Variants in FURIN observed in about 807,000 individuals in gnomAD.
FURIN encodes the protein furin, paired basic amino acid cleaving enzyme.
FURIN carries 18 observed loss-of-function variants against 89.2 expected under a neutral mutation model. That is an observed-to-expected ratio of 0.20 (90% confidence interval 0.14 to 0.30). The LOEUF is 0.30. FURIN is among the 10% of genes least tolerant of loss of function. The pLI is 1.00. For synonymous variants in FURIN, 508 were observed against 466.4 expected (o/e 1.09, Z -1.15); for missense variants, 879 against 1,100.5 (o/e 0.80, Z 2.85).
At chr15:90,873,360 T>G (rs754035474) in intron 1 of FURIN, among the ~76,000 whole-genome samples, 10 of 152,106 alleles carry the variant, frequency 6.6e-5, no homozygotes, top group Non-Finnish European at 1.5e-4. Flanking sequence ...AATTAAATAG[T>G]TGGTTAATCA....
intron 1 of FURIN, among the ~76,000 whole-genome samples, chr15:90,871,082 C>A (rs899927388): frequency 3.3e-5 from 5 of 152,208 alleles, no homozygotes; most frequent in African/African-American, 9.7e-5. Context: ...CTGGTCCTGC[C>A]GCCGTGCAGT....
chr15:90,881,732 G>C lies in FURIN; in HGVS notation c.2239G>C (p.Val747Leu). Residue 747 changes from valine to leucine, a missense_variant, in exon 16 of 16, where the codon GTG becomes CTG. Around this residue, in one of 5 missense-constraint regions of FURIN, gnomAD observed 457 missense variants for 490.7 expected, o/e 0.93. Coordinates refer to ENST00000268171, the MANE Select transcript of FURIN (RefSeq NM_002569.4). The surrounding 1 kb of genome is among the most constrained non-coding windows in gnomAD (Gnocchi z 4.3). ...GCGCTCTGGCTTTAGTTTTCGGGGG[G>C]TGAAGGTGTACACCATGGACCGTGG... ...QLRSGFSFRG[V>L]KVYTMDRGLI... 3.7e-6 allele frequency: 6 copies of C among 1,602,506 alleles called. No homozygotes were observed. Among genetic ancestry groups the C allele is most frequent in the Non-Finnish European group, 5.1e-6 (6 of 1,173,540 alleles).
rs370004508 is a variant in FURIN at position 90,876,982 on chromosome 15, C to T, written c.459C>T (p.Asp153=). The T allele has an allele frequency of 3.3e-5, 53 of 1,613,990 alleles. No individual in the cohort carries two copies. Among genetic ancestry groups the T allele is most frequent in the Non-Finnish European group, 4.2e-5 (49 of 1,180,014 alleles). Residue 153 remains aspartate, a synonymous_variant, in exon 5 of 16, where the codon GAC becomes GAT. Transcript: ENST00000268171. The surrounding 1 kb of genome is among the most constrained non-coding windows in gnomAD (Gnocchi z 5.0). ...ACGGCATTGTGGTCTCCATTCTGGA[C>T]GATGGCATCGAGAAGAACCACCCGG... ...TGHGIVVSIL[D]DGIEKNHPDL...
rs1371642593 is a variant in FURIN, at chr15:90,878,274, C to T, written c.810C>T (p.Ala270=). 10 of 1,605,590 alleles carry T rather than the reference C, an allele frequency of 6.2e-6. No individual in the cohort carries two copies. The highest frequency in any genetic ancestry group is 1.7e-5 in the Admixed American group (1 of 59,638). The part of the protein sequence containing the change: ...GKTVDGPARL[A]EEAFFRGVSQ... ...CAGTGGATGGGCCAGCCCGCCTCGCCGAGGAGGCCTTCTTCCGTGGGGTTA... is the reference window on the plus strand; with the variant it reads ...CAGTGGATGGGCCAGCCCGCCTCGCTGAGGAGGCCTTCTTCCGTGGGGTTA... Residue 270 remains alanine, a synonymous_variant, in exon 8 of 16, where the codon GCC becomes GCT. Coordinates refer to ENST00000268171, the MANE Select transcript of FURIN (RefSeq NM_002569.4).
At chr15:90,872,702 T>A (rs1291002890) in intron 1 of FURIN, among the ~76,000 whole-genome samples, 2 of 152,202 alleles carry the variant, frequency 1.3e-5, no homozygotes, top group Non-Finnish European at 2.9e-5. Flanking sequence ...CTTGTTAAGA[T>A]CATCCAGCAA....
At chr15:90,879,570 C>T (rs1201723835) in intron 10 of FURIN, 26 bp downstream of exon 10, 1 of 1,576,070 alleles carries the variant, frequency 6.3e-7, no homozygotes, top group South Asian at 1.1e-5. Flanking sequence ...CCAGCGGCAA[C>T]CCTGTCCCTA....
Position 90,876,205 on chromosome 15 carries a change from C to CT in FURIN, c.178-50_178-49insT, listed in dbSNP as rs756685308. The CT allele has an allele frequency of 1.8e-5, 24 of 1,304,936 alleles. 1 individual carries two copies. The highest frequency in any genetic ancestry group is 1.5e-4 in the South Asian group (13 of 84,860). The allele number at this position is 1,304,936 out of a possible 1,614,324, so 80.8% of individuals were successfully genotyped here. On this transcript the variant is annotated intron_variant, in intron 2 of 15. Transcript: ENST00000268171. This position sits in a 1 kb window ranked among gnomAD's most constrained non-coding sequence, Gnocchi z 5.0. ...TTGTCCACCCCCGTCCCCCGCCTCC[C>CT]GGGGACTGACAGATGGAAAGCCCAG...
At position 90,876,535 on chromosome 15, in the gene FURIN, A is replaced by G. The variant is rs200288780; in HGVS notation, c.350A>G (p.Lys117Arg). ...GTGTACCAGGAGCCCACAGACCCCA[A>G]GTTTCCTCAGCAGTGGTACCTGGTA... ...RDVYQEPTDP[K>R]FPQQWYLSGV... The change falls in exon 4 of 16, where the codon AAG (lysine) becomes AGG (arginine). Residue 117 changes from lysine (K) to arginine (R), a missense_variant. Around this residue, in one of 5 missense-constraint regions of FURIN, gnomAD observed 139 missense variants for 215.0 expected, o/e 0.65. Coordinates refer to ENST00000268171, the MANE Select transcript of FURIN (RefSeq NM_002569.4). This position sits in a 1 kb window ranked among gnomAD's most constrained non-coding sequence, Gnocchi z 5.0. 43 of 1,613,216 alleles carry G rather than the reference A, an allele frequency of 2.7e-5. No homozygotes were observed. The highest frequency in any genetic ancestry group is 2.7e-5 in the African/African-American group (2 of 75,010).
At chr15:90,871,127 C>T (rs941776235) in intron 1 of FURIN, among the ~76,000 whole-genome samples, 1 of 152,174 alleles carries the variant, frequency 6.6e-6, no homozygotes, top group African/African-American at 2.4e-5. Flanking sequence ...ACCCCAGGTC[C>T]GCCGTCCCTG....
chr15:90,872,851 G>C (rs1006799387), intron 1 of FURIN: 7 of 152,308 alleles, frequency 4.6e-5, no homozygotes, highest in Non-Finnish European at 8.8e-5. Context: ...CTGTGGCTGT[G>C]TCAGAGCCAG....
At position 90,875,684 on chromosome 15, in the gene FURIN, C is replaced by T. The variant is rs868486489; in HGVS notation, c.-57C>T. 1 of 1,425,028 alleles carries T rather than the reference C, an allele frequency of 7.0e-7. No individual in the cohort carries two copies. The highest frequency in any genetic ancestry group is 2.5e-5 in the East Asian group (1 of 39,412). 88.3% of individuals were successfully genotyped at this position (1,425,028 alleles called of 1,614,324 possible). ...GTGAGCAGGCACCTGGGAGCCGAGG[C>T]CCTGTGACCAGGCCAAGGAGACGGG... On this transcript the variant is annotated 5_prime_UTR_variant, in exon 2 of 16. Transcript: ENST00000268171.
At position 90,881,693 on chromosome 15, in the gene FURIN, C is replaced by A; in HGVS notation, c.2200C>A (p.Leu734Met). 6.3e-7 allele frequency: 1 copy of A among 1,590,198 alleles called. No homozygotes were observed. The highest frequency in any genetic ancestry group is 8.6e-7 in the Non-Finnish European group (1 of 1,166,552). Residue 734 changes from leucine to methionine, a missense_variant, in exon 16 of 16, where the codon CTG (leucine) becomes ATG (methionine). Physicochemically the swap from Leu to Met is conservative, Grantham distance 15. Transcript: ENST00000268171. This position sits in a 1 kb window ranked among gnomAD's most constrained non-coding sequence, Gnocchi z 4.3. ...CGTGCTGGTCTTCGTCACTGTCTTC[C>A]TGGTCCTGCAGCTGCGCTCTGGCTT... ...FIVLVFVTVF[L>M]VLQLRSGFSF...
chr15:90,880,511 C>T (rs1032308920), intron 13 of FURIN, among the ~76,000 whole-genome samples, 180 bp from the exon 14 acceptor site: 1 of 152,210 alleles, frequency 6.6e-6, no homozygotes, highest in African/African-American at 2.4e-5. Flanking sequence ...GTGTACCTTT[C>T]TAGAATCCCC....
chr15:90,880,176 G>T lies in FURIN; in HGVS notation c.1459G>T (p.Ala487Ser). Residue 487 changes from alanine to serine, a missense_variant, in exon 13 of 16, where the codon GCT (alanine) becomes TCT (serine). Ala to Ser is a moderately conservative substitution (Grantham distance 99). Around this residue, in one of 5 missense-constraint regions of FURIN, gnomAD observed 457 missense variants for 490.7 expected, o/e 0.93. Transcript: ENST00000268171. ...CAACCACATCACTCGGCTGGAGCAC[G>T]CTCAGGCGCGGCTCACCCTGTCCTA... ...EPNHITRLEH[A>S]QARLTLSYNR... 1 of 1,612,438 alleles carries T rather than the reference G, an allele frequency of 6.2e-7. No individual in the cohort carries two copies. The highest frequency in any genetic ancestry group is 8.5e-7 in the Non-Finnish European group (1 of 1,179,518).
In FURIN at chr15:90,881,367, C is replaced by G. The variant is rs780669007; in HGVS notation, c.1874C>G (p.Thr625Arg). 6.2e-7 allele frequency: 1 copy of G among 1,612,920 alleles called. No individual in the cohort carries two copies. Among genetic ancestry groups the G allele is most frequent in the East Asian group, 2.2e-5 (1 of 44,884 alleles). ...PPGFAPQVLD[T>R]HYSTENDVET... Reference sequence around the variant, plus strand: ...GGGTTCGCCCCCCAAGTCCTCGATACGCACTATAGCACCGAGAATGACGTG... The same window carrying G: ...GGGTTCGCCCCCCAAGTCCTCGATAGGCACTATAGCACCGAGAATGACGTG... The change falls in exon 16 of 16, where the codon ACG becomes AGG. Residue 625 changes from threonine (T) to arginine (R), a missense_variant. Thr to Arg is a moderately conservative substitution (Grantham distance 71). Transcript: ENST00000268171. The surrounding 1 kb of genome is among the most constrained non-coding windows in gnomAD (Gnocchi z 4.3).
chr15:90,875,353 A>G (rs1319635781), intron 1 of FURIN, among the ~76,000 whole-genome samples: 1 of 151,994 alleles, frequency 6.6e-6, no homozygotes, highest in Non-Finnish European at 1.5e-5. Flanking sequence ...CATTTCTTAT[A>G]TTCTTGCATG....
intron 11 of FURIN, 42 bp from the exon 12 acceptor site, chr15:90,879,825 C>G: frequency 6.2e-7 from 1 of 1,607,564 alleles, no homozygotes; most frequent in Non-Finnish European, 8.5e-7. Flanking sequence ...GTAGAAGGCA[C>G]TCTGTGCCTG....
rs774954298 is a variant in FURIN, at chr15:90,878,910, C to T, written c.987C>T (p.Tyr329=). 1.9e-6 allele frequency: 3 copies of T among 1,612,580 alleles called. No individual in the cohort carries two copies. In the Admixed American group the frequency reaches 5.0e-5, roughly 27 times the overall value. The change falls in exon 9 of 16, where the codon TAC becomes TAT. Residue 329 remains tyrosine (Y), a synonymous_variant. Transcript: ENST00000268171. ...SATQFGNVPW[Y]SEACSSTLAT... is the part of the protein sequence containing the mutation. The stretch of plus-strand genomic sequence containing the variant: ...CGCAGTTTGGCAACGTGCCGTGGTA[C>T]AGCGAGGCCTGCTCGTCCACACTGG...
At chr15:90,878,642 C>T in intron 8 of FURIN, 122 bp from the exon 9 acceptor site, 3 of 631,996 alleles carry the variant, frequency 4.7e-6, no homozygotes, top group South Asian at 3.8e-5. Context: ...CCAGGGATCT[C>T]ACAGGGGACA....
Sources: allele counts gnomAD v4.1 joint callset (sites outside exome capture counted in the v4.1 genomes callset), GRCh38; gene constraint gnomAD v4.1.1; regional missense constraint gnomAD v4.1.1; non-coding constraint Gnocchi (gnomAD v3.1); transcripts MANE v1.5; gene names NCBI Gene and HGNC (gene_info 2026-07-23, HGNC 2026-07-21).